Variants in HECW1 observed in about 807,000 individuals in gnomAD.
HECW1 encodes HECT, C2 and WW domain containing E3 ubiquitin protein ligase 1.
HECW1 carries 61 observed loss-of-function variants against 182.3 expected under a neutral mutation model. The ratio of observed to expected loss-of-function variants is 0.33; its 90% CI spans 0.27 to 0.41. The LOEUF (loss-of-function observed/expected upper bound fraction) is 0.41. HECW1 is among the 10% of genes least tolerant of loss of function. The pLI, the probability that HECW1 is intolerant of heterozygous loss-of-function variation, is 1.00. For synonymous variants in HECW1, 859 were observed against 832.6 expected (o/e 1.03, Z -0.55); for missense variants, 1,739 against 2,108.9 (o/e 0.82, Z 3.44).
At chr7:43,430,053 A>C (rs184591080) in intron 8 of HECW1, among the ~76,000 whole-genome samples, 1 of 152,290 alleles carries the variant, frequency 6.6e-6, no homozygotes, top group East Asian at 1.9e-4. Context: ...AACTTTCCTT[A>C]CCAGTTTTCC....
At chr7:43,225,936 A>T (rs901054882) in intron 2 of HECW1, among the ~76,000 whole-genome samples, 1 of 151,996 alleles carries the variant, frequency 6.6e-6, no homozygotes, top group Non-Finnish European at 1.5e-5. Context: ...AACTCAGCTA[A>T]CTTTTTTTTT....
intron 3 of HECW1, among the ~76,000 whole-genome samples, chr7:43,273,771 T>C (rs1478573749): frequency 6.6e-6 from 1 of 151,966 alleles, no homozygotes; most frequent in Non-Finnish European, 1.5e-5. Context: ...GATAAGCAAA[T>C]ATTGGGAAAT....
At chr7:43,262,165 G>C (rs1410955986) in intron 3 of HECW1, among the ~76,000 whole-genome samples, 5 of 152,140 alleles carry the variant, frequency 3.3e-5, no homozygotes, top group African/African-American at 9.7e-5. Flanking sequence ...AGGTTGCAGT[G>C]AGCTGAGATT....
intron 6 of HECW1, chr7:43,396,606 A>G: frequency 2.1e-6 from 1 of 478,446 alleles, no homozygotes. Context: ...CCTGAAAAGT[A>G]CCCATCACCC....
At chr7:43,473,860 A>C (rs1240426531) in intron 16 of HECW1, among the ~76,000 whole-genome samples, 1 of 152,248 alleles carries the variant, frequency 6.6e-6, no homozygotes, top group African/African-American at 2.4e-5. Context: ...AAGCACACAA[A>C]AAATTGCAAA....
chr7:43,175,180 A>G (rs978772079), intron 2 of HECW1, among the ~76,000 whole-genome samples: 2 of 151,614 alleles, frequency 1.3e-5, no homozygotes, highest in African/African-American at 2.4e-5. Flanking sequence ...GTGTGTACAC[A>G]TACACATACA....
rs558850848 is a variant in HECW1 at position 43,247,376 on chromosome 7, A to C, written c.27+3444A>C. Among the ~76,000 whole-genome samples, 14 of 152,302 alleles carry C rather than the reference A, an allele frequency of 9.2e-5. No homozygotes were observed. The East Asian group carries it at 2.7e-3, about 29-fold the overall frequency. ...CGAAAGTGAAGCCCAGACCAGGCAC[A>C]GTGGCTCATGCCTGTAATCCAGCAC... On this transcript the variant is annotated intron_variant, in intron 3 of 29. Coordinates refer to ENST00000395891, the MANE Select transcript of HECW1 (RefSeq NM_015052.5).
chr7:43,236,824 C>T (rs910141237), intron 2 of HECW1, among the ~76,000 whole-genome samples: 2 of 151,964 alleles, frequency 1.3e-5, no homozygotes, highest in East Asian at 1.9e-4. Flanking sequence ...CTTGTGGGCA[C>T]ATTATGAGGG....
chr7:43,534,039 A>C (rs1233947039), intron 24 of HECW1, among the ~76,000 whole-genome samples: 1 of 152,192 alleles, frequency 6.6e-6, no homozygotes, highest in African/African-American at 2.4e-5. Flanking sequence ...CGGGAAATCA[A>C]ACTGCCAGAA....
chr7:43,145,179 G>T (rs1166622843), intron 2 of HECW1, among the ~76,000 whole-genome samples: 2 of 152,240 alleles, frequency 1.3e-5, no homozygotes, highest in East Asian at 1.9e-4. Context: ...TGAGATATGG[G>T]TTGATTGGAT....
At chr7:43,276,307 TG>T (rs1397701597) in intron 3 of HECW1, among the ~76,000 whole-genome samples, 5 of 152,168 alleles carry the variant, frequency 3.3e-5, no homozygotes, top group Non-Finnish European at 7.4e-5. Context: ...TCTTTGTGTG[TG>T]GGGGTCCCCT....
At chr7:43,166,470 C>A (rs1303964297) in intron 2 of HECW1, among the ~76,000 whole-genome samples, 1 of 152,138 alleles carries the variant, frequency 6.6e-6, no homozygotes, top group Non-Finnish European at 1.5e-5. Flanking sequence ...AGAAGCAGCA[C>A]CCAGGCCAGC....
At chr7:43,348,800 CCATGTATTTG>C (rs1814016768) in intron 5 of HECW1, among the ~76,000 whole-genome samples, 1 of 152,084 alleles carries the variant, frequency 6.6e-6, no homozygotes, top group Admixed American at 6.6e-5. Context: ...TATTTAATTT[CCATGTATTTG>C]CATGGTTTTA....
At chr7:43,354,638 G>T (rs1019610845) in intron 5 of HECW1, among the ~76,000 whole-genome samples, 46 of 151,928 alleles carry the variant, frequency 3.0e-4, no homozygotes, top group African/African-American at 1.1e-3. Flanking sequence ...CAATAAAAAG[G>T]AACAAAGATC....
intron 3 of HECW1, among the ~76,000 whole-genome samples, chr7:43,273,024 T>C (rs909891848): frequency 1.3e-5 from 2 of 152,172 alleles, no homozygotes; most frequent in Non-Finnish European, 2.9e-5. Flanking sequence ...TGCAGCAACA[T>C]GCATGCAGCG....
At chr7:43,320,285 C>A (rs971284607) in intron 4 of HECW1, among the ~76,000 whole-genome samples, 2 of 152,184 alleles carry the variant, frequency 1.3e-5, no homozygotes, top group African/African-American at 2.4e-5. Flanking sequence ...TTCATAGAAG[C>A]TTTAGGAGGA....
At chr7:43,411,204 C>T (rs921591424) in intron 8 of HECW1, among the ~76,000 whole-genome samples, 6 of 151,912 alleles carry the variant, frequency 3.9e-5, no homozygotes, top group African/African-American at 1.2e-4. Flanking sequence ...ATTATCATTC[C>T]GTCAAAAATA....
intron 3 of HECW1, among the ~76,000 whole-genome samples, chr7:43,256,482 G>A (rs866543431): frequency 4.0e-5 from 6 of 151,896 alleles, no homozygotes; most frequent in Middle Eastern, 6.8e-3. Context: ...GGTGGCAGGC[G>A]CCTGTAATCC....
intron 2 of HECW1, among the ~76,000 whole-genome samples, chr7:43,195,498 A>T (rs1424872222): frequency 6.6e-6 from 1 of 152,120 alleles, no homozygotes; most frequent in African/African-American, 2.4e-5. Context: ...CCTGCTTGGT[A>T]GCCACGCCTC....
Sources: allele counts gnomAD v4.1 joint callset (sites outside exome capture counted in the v4.1 genomes callset), GRCh38; gene constraint gnomAD v4.1.1; transcripts MANE v1.5; gene names NCBI Gene and HGNC (gene_info 2026-07-23, HGNC 2026-07-21).